The following LOC128092252 variants were observed in gnomAD, a reference collection of about 807,000 sequenced individuals.
At chr15:50,682,080 A>C in the LOC128092252 span, among the ~76,000 whole-genome samples, 1 of 150,168 alleles carries the variant, frequency 6.7e-6, no homozygotes, top group Non-Finnish European at 1.5e-5. Context: ...CGAGAGGCTG[A>C]GGCAGGAGAA....
At chr15:50,666,377 G>A in the LOC128092252 span, among the ~76,000 whole-genome samples, 7 of 151,998 alleles carry the variant, frequency 4.6e-5, no homozygotes, top group Non-Finnish European at 8.8e-5. Context: ...GGAGCTCGAG[G>A]CTGCAGCGAG....
At chr15:50,655,440 AAAAAAAAC>A in the LOC128092252 span, among the ~76,000 whole-genome samples, 6 of 148,950 alleles carry the variant, frequency 4.0e-5, no homozygotes, top group Admixed American at 3.5e-4. Context: ...CTCAAAGGAA[AAAAAAAAC>A]AAAAAAACAA....
the LOC128092252 span, among the ~76,000 whole-genome samples, chr15:50,662,419 T>C: frequency 6.6e-6 from 1 of 152,156 alleles, no homozygotes; most frequent in Non-Finnish European, 1.5e-5. Context: ...ACTAAGTTAA[T>C]GTCCTTTAAT....
chr15:50,664,665 A>G, the LOC128092252 span, among the ~76,000 whole-genome samples: 1 of 152,300 alleles, frequency 6.6e-6, no homozygotes, highest in Middle Eastern at 3.4e-3. Context: ...AAAGTCAATC[A>G]AACAAAACCT....
the LOC128092252 span, among the ~76,000 whole-genome samples, chr15:50,666,932 T>C: frequency 6.6e-6 from 1 of 152,218 alleles, no homozygotes; most frequent in Non-Finnish European, 1.5e-5. Flanking sequence ...CTTCTGTTTC[T>C]TTACTTTCCT....
the LOC128092252 span, among the ~76,000 whole-genome samples, chr15:50,672,292 G>A: frequency 6.6e-5 from 10 of 151,980 alleles, no homozygotes; most frequent in East Asian, 7.8e-4. Context: ...ACCTCGTGAC[G>A]TGATCCGCCC....
the LOC128092252 span, among the ~76,000 whole-genome samples, chr15:50,678,497 T>A: frequency 3.9e-5 from 4 of 101,918 alleles, no homozygotes; most frequent in Admixed American, 1.4e-4. Context: ...ACTCTCTAGT[T>A]CCATTCTTTA....
At chr15:50,657,086 G>A in the LOC128092252 span, among the ~76,000 whole-genome samples, 2 of 152,144 alleles carry the variant, frequency 1.3e-5, no homozygotes, top group African/African-American at 4.8e-5. Flanking sequence ...CACTTTGGGA[G>A]GCCGAGGCGG....
At chr15:50,679,539 T>TATATA in the LOC128092252 span, among the ~76,000 whole-genome samples, 2 of 22,292 alleles carry the variant, frequency 9.0e-5, no homozygotes, top group African/African-American at 2.1e-4. Flanking sequence ...TATATATATA[T>TATATA]TTTTTTTTTT....
At chr15:50,685,907 C>A in the LOC128092252 span, among the ~76,000 whole-genome samples, 11 of 152,260 alleles carry the variant, frequency 7.2e-5, no homozygotes, top group African/African-American at 2.2e-4. Context: ...AAGCCTCCCC[C>A]CACCCACCAA....
the LOC128092252 span, among the ~76,000 whole-genome samples, chr15:50,680,484 G>T: frequency 6.8e-6 from 1 of 148,010 alleles, no homozygotes; most frequent in Non-Finnish European, 1.5e-5. Flanking sequence ...CAGGAGAATG[G>T]CTTGAACCCG....
At chr15:50,650,192 CAAAAAAAAAA>C in the LOC128092252 span, among the ~76,000 whole-genome samples, 2,017 of 62,320 alleles carry the variant, frequency 0.032, 58 homozygotes, top group African/African-American at 0.13. Context: ...GACTTTGTCT[CAAAAAAAAAA>C]AAAAAAAAAA....
At chr15:50,657,839 A>G in the LOC128092252 span, 1 of 1,602,126 alleles carries the variant, frequency 6.2e-7, no homozygotes, top group Non-Finnish European at 8.5e-7. Context: ...ACAAAAAGGT[A>G]AATAAATTAT....
chr15:50,680,482 T>C, the LOC128092252 span, among the ~76,000 whole-genome samples: 2 of 151,504 alleles, frequency 1.3e-5, no homozygotes, highest in Non-Finnish European at 2.9e-5. Flanking sequence ...AGCAGGAGAA[T>C]GGCTTGAACC....
chr15:50,666,029 T>C, the LOC128092252 span, among the ~76,000 whole-genome samples: 3 of 151,876 alleles, frequency 2.0e-5, no homozygotes, highest in Non-Finnish European at 4.4e-5. Context: ...TGAAAATTAA[T>C]GAGCTAACTC....
the LOC128092252 span, among the ~76,000 whole-genome samples, chr15:50,649,683 T>C: frequency 3.3e-5 from 5 of 152,136 alleles, no homozygotes; most frequent in Admixed American, 6.6e-5. Flanking sequence ...CAAAGACAGA[T>C]GGCTTTCTAC....
At chr15:50,657,732 G>C in the LOC128092252 span, 1 of 1,535,888 alleles carries the variant, frequency 6.5e-7, no homozygotes, top group Non-Finnish European at 9.0e-7. Flanking sequence ...TAATAGATTA[G>C]TTTTATTTAT....
At chr15:50,663,423 G>T in the LOC128092252 span, among the ~76,000 whole-genome samples, 4 of 152,152 alleles carry the variant, frequency 2.6e-5, no homozygotes, top group African/African-American at 9.7e-5. Flanking sequence ...ACCGTGCCCG[G>T]CCCATAAACA....
chr15:50,658,072 T>A, the LOC128092252 span, among the ~76,000 whole-genome samples: 1 of 150,394 alleles, frequency 6.6e-6, no homozygotes, highest in African/African-American at 2.4e-5. Flanking sequence ...TGGCGCAATC[T>A]CAGCTCACTG....
Sources: allele counts gnomAD v4.1 joint callset (sites outside exome capture counted in the v4.1 genomes callset), GRCh38; gene constraint gnomAD v4.1.1; transcripts MANE v1.5.